The following GPC3 variants were observed in gnomAD, a reference collection of about 807,000 sequenced individuals.
GPC3 encodes glypican 3.
Under a neutral mutation model 34.4 loss-of-function variants are expected in GPC3, and 3 were observed. The observed-to-expected ratio is 0.09, with a 90% CI of 0.04 to 0.23. The LOEUF (loss-of-function observed/expected upper bound fraction) is 0.23. Ranked by LOEUF, GPC3 falls within the 10% of genes least tolerant of loss-of-function variation. GPC3 has a pLI of 1.00. For missense variants in GPC3, 351 were observed against 445.6 expected, an observed-to-expected ratio of 0.79 and a Z score of 1.91; for synonymous variants, 177 against 174.0, an observed-to-expected ratio of 1.02 and a Z score of -0.13.
At position 133,974,579 on chromosome X, in the gene GPC3, GT is replaced by G. The variant is rs202014302; in HGVS notation, c.175+10695del. The stretch of plus-strand genomic sequence containing the variant: ...AGAGGGTTCTTGAAGTCTTTGGCAG[GT>G]TTTTTTTTTAAATCATCAGATGTTG... On this transcript the variant is annotated intron_variant, in intron 1 of 7. Transcript: ENST00000370818. Among the ~76,000 whole-genome samples the G allele has an allele frequency of 4.7e-3, 510 of 107,559 alleles. 16 individuals are homozygous for G. Among genetic ancestry groups the G allele is most frequent in the Admixed American group, 0.044 (442 of 10,071 alleles). 93.4% of individuals were successfully genotyped at this position (107,559 alleles called of 115,157 possible).
At chrX:133,785,896 C>T (rs1032549244) in intron 2 of GPC3, among the ~76,000 whole-genome samples, 5 of 111,980 alleles carry the variant, frequency 4.5e-5, no homozygotes, top group Non-Finnish European at 7.5e-5. Flanking sequence ...CAATGTTTTA[C>T]CCTGACTATA....
At chrX:133,842,421 A>G (rs114406082) in intron 2 of GPC3, among the ~76,000 whole-genome samples, 1,100 of 106,029 alleles carry the variant, frequency 0.01, 24 homozygotes, top group African/African-American at 0.038. Flanking sequence ...AATACATTAT[A>G]TATGTATACA....
chrX:133,579,552 A>AT (rs1343474564), intron 7 of GPC3, among the ~76,000 whole-genome samples: 1 of 111,697 alleles, frequency 9.0e-6, no homozygotes, highest in Non-Finnish European at 1.9e-5. Flanking sequence ...TTTTATTTTT[A>AT]TTTTTTTGAG....
At chrX:133,807,019 C>T (rs1196701918) in intron 2 of GPC3, among the ~76,000 whole-genome samples, 1 of 111,622 alleles carries the variant, frequency 9.0e-6, no homozygotes, top group Non-Finnish European at 1.9e-5. Flanking sequence ...TGAAAAAAAG[C>T]ATCCTACTGC....
chrX:133,684,321 C>T (rs2070974857), intron 5 of GPC3, among the ~76,000 whole-genome samples: 1 of 111,877 alleles, frequency 8.9e-6, no homozygotes, highest in Non-Finnish European at 1.9e-5. Context: ...CTATTTGTCC[C>T]TCTGTCCCTC....
chrX:133,599,972 A>G (rs1015955073), intron 6 of GPC3, among the ~76,000 whole-genome samples: 1 of 111,561 alleles, frequency 9.0e-6, no homozygotes, highest in Non-Finnish European at 1.9e-5. Context: ...CCTGGTAGAC[A>G]GTCATTATAG....
intron 2 of GPC3, among the ~76,000 whole-genome samples, chrX:133,897,639 C>T (rs1475940730): frequency 9.0e-6 from 1 of 110,853 alleles, no homozygotes; most frequent in Non-Finnish European, 1.9e-5. Flanking sequence ...GAGGTAGTCT[C>T]TCCAAACATG....
At chrX:133,842,108 G>C (rs1209837125) in intron 2 of GPC3, among the ~76,000 whole-genome samples, 1 of 111,546 alleles carries the variant, frequency 9.0e-6, no homozygotes, top group Non-Finnish European at 1.9e-5. Context: ...CCCGAGGTCA[G>C]GAGCTCAGGA....
intron 2 of GPC3, among the ~76,000 whole-genome samples, chrX:133,943,579 G>A (rs1179285391): frequency 2.7e-5 from 3 of 112,270 alleles, no homozygotes; most frequent in African/African-American, 9.7e-5. Context: ...TTTTTGAAGG[G>A]AAGCTGGCAA....
chrX:133,956,606 T>C (rs1212778920), intron 1 of GPC3, among the ~76,000 whole-genome samples: 1 of 112,420 alleles, frequency 8.9e-6, no homozygotes, highest in African/African-American at 3.2e-5. Context: ...ATGTTCAAAA[T>C]ATCATATTTA....
intron 2 of GPC3, among the ~76,000 whole-genome samples, chrX:133,923,639 G>T (rs2076262015): frequency 8.9e-6 from 1 of 112,150 alleles, no homozygotes; most frequent in African/African-American, 3.2e-5. Context: ...CAGGTCAAAG[G>T]ATTGGAGGAC....
intron 5 of GPC3, among the ~76,000 whole-genome samples, chrX:133,683,056 G>A (rs966783802): frequency 7.3e-5 from 8 of 109,909 alleles, no homozygotes; most frequent in Admixed American, 6.8e-4. Flanking sequence ...GTTTCCTAAC[G>A]TTTCAGGGTC....
At chrX:133,962,698 T>C (rs1375984685) in intron 1 of GPC3, among the ~76,000 whole-genome samples, 1 of 111,737 alleles carries the variant, frequency 8.9e-6, no homozygotes, top group East Asian at 2.8e-4. Context: ...CTAATTGTTA[T>C]TCTACTCAGA....
At chrX:133,571,080 A>T (rs1490071889) in intron 7 of GPC3, among the ~76,000 whole-genome samples, 1 of 112,212 alleles carries the variant, frequency 8.9e-6, no homozygotes, top group East Asian at 2.8e-4. Flanking sequence ...TTAAACTCAC[A>T]TCTTGGTTGA....
intron 2 of GPC3, among the ~76,000 whole-genome samples, chrX:133,939,675 G>A (rs1279952647): frequency 8.9e-6 from 1 of 111,959 alleles, no homozygotes; most frequent in Admixed American, 9.5e-5. Flanking sequence ...CATCCCTGTC[G>A]AATGCAGCAA....
chrX:133,579,256 C>T (rs182910849), intron 7 of GPC3, among the ~76,000 whole-genome samples: 140 of 112,498 alleles, frequency 1.2e-3, no homozygotes, highest in African/African-American at 4.3e-3. Context: ...GTGCTTTAAC[C>T]GCTTTACATT....
At chrX:133,665,146 A>G (rs1213613674) in intron 5 of GPC3, among the ~76,000 whole-genome samples, 2 of 111,926 alleles carry the variant, frequency 1.8e-5, no homozygotes, top group Admixed American at 9.6e-5. Context: ...TGGCATTTAT[A>G]TCTATAAAGG....
intron 3 of GPC3, among the ~76,000 whole-genome samples, chrX:133,747,370 G>A (rs1486523692): frequency 9.0e-6 from 1 of 111,688 alleles, no homozygotes; most frequent in East Asian, 2.8e-4. Flanking sequence ...AAACTACACT[G>A]TTCCTTTAAG....
At chrX:133,780,355 C>G (rs1221819642) in intron 2 of GPC3, among the ~76,000 whole-genome samples, 1 of 111,898 alleles carries the variant, frequency 8.9e-6, no homozygotes, top group African/African-American at 3.2e-5. Flanking sequence ...CTCTCACAAA[C>G]AGGCTTCTTT....
Sources: allele counts gnomAD v4.1 joint callset (sites outside exome capture counted in the v4.1 genomes callset), GRCh38; gene constraint gnomAD v4.1.1; transcripts MANE v1.5; gene names NCBI Gene and HGNC (gene_info 2026-07-23, HGNC 2026-07-21).